The following TMEM232 variants were observed in gnomAD, a reference collection of about 807,000 sequenced individuals.
The protein encoded by TMEM232 is transmembrane protein 232.
A neutral mutation model predicts 78.8 loss-of-function variants in TMEM232; 80 were observed. The ratio of observed to expected loss-of-function variants is 1.01; its 90% CI spans 0.85 to 1.22. The LOEUF (loss-of-function observed/expected upper bound fraction) is 1.22. Among genes scored for constraint, TMEM232 ranks in the 50% most tolerant of loss-of-function variants. The pLI is 0.00. For missense variants in TMEM232, 881 were observed against 742.2 expected (o/e 1.19, Z -2.17); for synonymous variants, 297 against 254.3 (o/e 1.17, Z -1.60).
intron 7 of TMEM232, among the ~76,000 whole-genome samples, chr5:110,619,608 C>A (rs1243935675): frequency 6.6e-6 from 1 of 152,136 alleles, no homozygotes; most frequent in Non-Finnish European, 1.5e-5. Flanking sequence ...AAGCACTATT[C>A]TAAAATAATG....
rs575355801 is a variant in TMEM232, at chr5:110,456,983, C to T, written c.1704-32067G>A. 1.4e-4 allele frequency among the ~76,000 whole-genome samples: 21 copies of T among 152,074 alleles called. No homozygotes were observed. The South Asian group carries it at 4.1e-3, about 30-fold the overall frequency. On this transcript the variant is annotated intron_variant, in intron 12 of 13. Coordinates refer to ENST00000455884, the MANE Select transcript of TMEM232 (RefSeq NM_001039763.4). ...TAGGCAAGATTTCTTAGTTACTATA[C>T]GAAAAGCATGACTTATTACATTTTT...
At chr5:110,707,759 T>C (rs915523249) in intron 1 of TMEM232, among the ~76,000 whole-genome samples, 2 of 152,202 alleles carry the variant, frequency 1.3e-5, no homozygotes, top group South Asian at 2.1e-4. Context: ...GACTCCTTCC[T>C]TCTGCTTAAG....
At chr5:110,524,401 AAG>A (rs1770179367) in intron 12 of TMEM232, among the ~76,000 whole-genome samples, 1 of 66,116 alleles carries the variant, frequency 1.5e-5, no homozygotes, top group Non-Finnish European at 2.7e-5. Context: ...GAAAGAAAGA[AAG>A]AAAGAAAGAA....
chr5:110,647,266 T>A (rs927621266), intron 2 of TMEM232, among the ~76,000 whole-genome samples: 1 of 151,912 alleles, frequency 6.6e-6, no homozygotes, highest in Non-Finnish European at 1.5e-5. Flanking sequence ...TATTGACCCA[T>A]CATAGTTTGT....
intron 1 of TMEM232, among the ~76,000 whole-genome samples, chr5:110,675,593 C>T (rs1200986397): frequency 6.6e-6 from 1 of 152,142 alleles, no homozygotes; most frequent in East Asian, 1.9e-4. Context: ...CCAGAGCCTC[C>T]AGGTAACAGA....
At chr5:110,679,399 A>G (rs1294025805) in intron 1 of TMEM232, among the ~76,000 whole-genome samples, 1 of 152,116 alleles carries the variant, frequency 6.6e-6, no homozygotes, top group East Asian at 1.9e-4. Flanking sequence ...CGAGTTTCTA[A>G]GAGCTCCGTG....
chr5:110,499,380 T>C (rs1203759947), intron 12 of TMEM232, among the ~76,000 whole-genome samples: 1 of 152,122 alleles, frequency 6.6e-6, no homozygotes, highest in East Asian at 1.9e-4. Flanking sequence ...ACCTCACGAG[T>C]AGCAGGGACT....
At chr5:110,497,175 T>C (rs1367779080) in intron 12 of TMEM232, among the ~76,000 whole-genome samples, 3 of 151,980 alleles carry the variant, frequency 2.0e-5, no homozygotes, top group African/African-American at 7.2e-5. Context: ...ATACCAACCA[T>C]ACATTAATAA....
intron 12 of TMEM232, among the ~76,000 whole-genome samples, chr5:110,454,159 G>A (rs1197926078): frequency 1.3e-5 from 2 of 152,058 alleles, no homozygotes; most frequent in African/African-American, 2.4e-5. Context: ...CCAACTTTAT[G>A]TAATTAACAT....
chr5:110,410,033 T>C (rs1024319485), intron 2 of TMEM232, among the ~76,000 whole-genome samples: 5 of 152,194 alleles, frequency 3.3e-5, no homozygotes, highest in Admixed American at 2.0e-4. Flanking sequence ...TATAGGAATA[T>C]AGATAGAGCT....
intron 1 of TMEM232, among the ~76,000 whole-genome samples, chr5:110,687,026 CT>C (rs1043073626): frequency 5.3e-5 from 8 of 152,074 alleles, no homozygotes; most frequent in African/African-American, 1.9e-4. Context: ...CTTTTCATCC[CT>C]TTTTCATTCT....
chr5:110,594,523 C>T (rs1261426444), intron 10 of TMEM232, among the ~76,000 whole-genome samples: 1 of 152,174 alleles, frequency 6.6e-6, no homozygotes, highest in African/African-American at 2.4e-5. Context: ...GCAGGTCCCA[C>T]CTTTATGGAG....
chr5:110,690,955 C>G (rs1361505329), intron 1 of TMEM232, among the ~76,000 whole-genome samples: 4 of 149,336 alleles, frequency 2.7e-5, no homozygotes, highest in African/African-American at 9.8e-5. Context: ...AGGGGAACGT[C>G]AAACACTAGG....
intron 12 of TMEM232, among the ~76,000 whole-genome samples, chr5:110,456,451 T>C (rs1416242937): frequency 6.6e-6 from 1 of 152,190 alleles, no homozygotes; most frequent in South Asian, 2.1e-4. Flanking sequence ...GAGTAAATAT[T>C]GTGAAGATGT....
chr5:110,447,153 A>G (rs1028547035), intron 12 of TMEM232, among the ~76,000 whole-genome samples: 7 of 150,324 alleles, frequency 4.7e-5, no homozygotes, highest in African/African-American at 1.2e-4. Flanking sequence ...ATATATGTGT[A>G]TATATATATA....
rs905240032 is a variant in TMEM232, at chr5:110,649,539, C to T, written c.126-7168G>A. On this transcript the variant is annotated intron_variant, in intron 2 of 13. Transcript: ENST00000455884. Reference sequence around the variant, plus strand: ...AAATATCTTCCAAAAATATTCTAGTCGTTCATATTCTAGTAAAGCATATAC... The same window carrying T: ...AAATATCTTCCAAAAATATTCTAGTTGTTCATATTCTAGTAAAGCATATAC... Among the ~76,000 whole-genome samples, 59 of 152,110 alleles carry T rather than the reference C, an allele frequency of 3.9e-4. No homozygotes were observed. The Middle Eastern group carries it at 0.014, about 35-fold the overall frequency.
upstream of TMEM232, among the ~76,000 whole-genome samples, chr5:110,729,180 T>C (rs1240477018): frequency 6.6e-6 from 1 of 152,158 alleles, no homozygotes; most frequent in African/African-American, 2.4e-5. Flanking sequence ...CCACCGTGCC[T>C]GGCCCAGTCT....
chr5:110,499,090 G>A (rs1765928796), intron 12 of TMEM232, among the ~76,000 whole-genome samples: 1 of 151,904 alleles, frequency 6.6e-6, no homozygotes, highest in East Asian at 1.9e-4. Context: ...GGGCAATAAA[G>A]AAAATAAAAT....
At chr5:110,591,043 G>C (rs906075774) in intron 10 of TMEM232, among the ~76,000 whole-genome samples, 4 of 152,088 alleles carry the variant, frequency 2.6e-5, no homozygotes, top group Non-Finnish European at 4.4e-5. Flanking sequence ...ATTTGGGTGG[G>C]AACACAGAGC....
Sources: allele counts gnomAD v4.1 joint callset (sites outside exome capture counted in the v4.1 genomes callset), GRCh38; gene constraint gnomAD v4.1.1; transcripts MANE v1.5; gene names NCBI Gene and HGNC (gene_info 2026-07-23, HGNC 2026-07-21).